TFPI: variants seen among roughly 807,000 people sequenced by gnomAD.
TFPI encodes anti-convertin.
Under a neutral mutation model 34.6 loss-of-function variants are expected in TFPI, and 15 were observed. The observed-to-expected ratio is 0.43, with a 90% CI of 0.29 to 0.67. TFPI has a LOEUF of 0.67. TFPI is among the 30% of genes least tolerant of loss of function. The pLI is 0.15. For missense variants in TFPI, 301 were observed against 364.0 expected, an observed-to-expected ratio of 0.83 and a Z score of 1.41; for synonymous variants, 105 against 120.1, an observed-to-expected ratio of 0.87 and a Z score of 0.82.
At chr2:187,495,392 G>T (rs1201220524) in intron 3 of TFPI, among the ~76,000 whole-genome samples, 1 of 152,140 alleles carries the variant, frequency 6.6e-6, no homozygotes, top group Non-Finnish European at 1.5e-5. Flanking sequence ...AATATGTATG[G>T]AAGAAAATGG....
chr2:187,510,544 AAAG>A (rs1477775522), intron 1 of TFPI, among the ~76,000 whole-genome samples: 5 of 152,234 alleles, frequency 3.3e-5, no homozygotes, highest in African/African-American at 1.2e-4. Context: ...GCCTCCAAAG[AAAG>A]AAGAAGTAAA....
chr2:187,548,291 C>G (rs1483114685), intron 1 of TFPI, among the ~76,000 whole-genome samples: 1 of 152,018 alleles, frequency 6.6e-6, no homozygotes, highest in African/African-American at 2.4e-5. Context: ...CAACTTCCTC[C>G]CCATGTGAAG....
intron 1 of TFPI, among the ~76,000 whole-genome samples, chr2:187,522,890 C>G (rs946647274): frequency 2.8e-4 from 24 of 86,014 alleles, no homozygotes; most frequent in Middle Eastern, 4.6e-3. Context: ...GACTGTGTCT[C>G]AAAATAAATA....
At chr2:187,478,898 G>A (rs775229373) in intron 6 of TFPI, 12 of 954,326 alleles carry the variant, frequency 1.3e-5, no homozygotes, top group Admixed American at 4.6e-5. Context: ...TCTATAAACT[G>A]TATAGTACAT....
At position 187,465,728 on chromosome 2, in the gene TFPI, TTCATGAAGCTAG is replaced by T. The variant is rs1381561745; in HGVS notation, c.*1196_*1207del. 15 of 142,012 alleles carry T rather than the reference TTCATGAAGCTAG, an allele frequency of 1.1e-4. No homozygotes were observed. Among genetic ancestry groups the T allele is most frequent in the Admixed American group, 5.5e-4 (8 of 14,456 alleles). 8.8% of individuals were successfully genotyped at this position (142,012 alleles called of 1,614,324 possible). ...AGTCATGAAGCTATTCATGAAGCTA[TTCATGAAGCTAG>T]TCATGAAGCTAGTCATACCAAATGA... On this transcript the variant is annotated 3_prime_UTR_variant, in exon 8 of 8. Transcript: ENST00000233156.
At chr2:187,552,600 A>T (rs1451413315) in intron 1 of TFPI, among the ~76,000 whole-genome samples, 9 of 152,020 alleles carry the variant, frequency 5.9e-5, no homozygotes, top group Non-Finnish European at 1.3e-4. Flanking sequence ...ACCATCAAAC[A>T]CCAGTTGATA....
chr2:187,512,246 C>G (rs1223352590), intron 1 of TFPI, among the ~76,000 whole-genome samples: 2 of 141,330 alleles, frequency 1.4e-5, no homozygotes, highest in African/African-American at 5.4e-5. Context: ...TCATTGTGAG[C>G]ACACCTTACC....
intron 1 of TFPI, among the ~76,000 whole-genome samples, chr2:187,505,027 T>A (rs1015082377): frequency 1.3e-5 from 2 of 152,044 alleles, no homozygotes; most frequent in African/African-American, 4.8e-5. Context: ...AATCATACCA[T>A]AAACCATTTG....
intron 1 of TFPI, among the ~76,000 whole-genome samples, chr2:187,536,801 G>T (rs182556133): frequency 2.0e-5 from 3 of 152,308 alleles, no homozygotes; most frequent in African/African-American, 7.2e-5. Context: ...AATTTTCTCT[G>T]TTTGCAGATG....
At chr2:187,496,542 C>G (rs968584537) in intron 3 of TFPI, among the ~76,000 whole-genome samples, 1 of 151,872 alleles carries the variant, frequency 6.6e-6, no homozygotes, top group Admixed American at 6.6e-5. Context: ...TAAATGGGGC[C>G]TCATATTTTA....
At chr2:187,485,668 T>C (rs911199402) in intron 4 of TFPI, among the ~76,000 whole-genome samples, 3 of 151,744 alleles carry the variant, frequency 2.0e-5, no homozygotes, top group African/African-American at 7.2e-5. Flanking sequence ...CTAATACTTC[T>C]TCTTTGATAG....
intron 3 of TFPI, among the ~76,000 whole-genome samples, chr2:187,491,010 C>T (rs1559113554): frequency 6.6e-6 from 1 of 151,712 alleles, no homozygotes; most frequent in Non-Finnish European, 1.5e-5. Context: ...ACAATAATCT[C>T]ATATTTTTCT....
rs764877384 is a variant in TFPI, at chr2:187,552,432, TAG to T, written c.-3+1766_-3+1767del. On this transcript the variant is annotated intron_variant, in intron 1 of 7. Transcript: ENST00000233156. ...AAGATAATTAAGCTGTTTTGAAAAT[TAG>T]AGTTTATTACAAAATATGTTATCAT... Among the ~76,000 whole-genome samples the T allele has an allele frequency of 3.3e-5, 5 of 152,232 alleles. No homozygotes were observed. The South Asian group carries it at 6.2e-4, about 19-fold the overall frequency.
At chr2:187,499,738 A>G (rs1330872553) in intron 2 of TFPI, 11 of 152,174 alleles carry the variant, frequency 7.2e-5, no homozygotes, top group Admixed American at 6.5e-4. Flanking sequence ...AGGAATAAAA[A>G]TATTCTGGCA....
At chr2:187,537,743 C>G (rs1246576087) in intron 1 of TFPI, among the ~76,000 whole-genome samples, 3 of 152,276 alleles carry the variant, frequency 2.0e-5, no homozygotes, top group Middle Eastern at 3.4e-3. Context: ...CAAATGGGAT[C>G]TAATTAAACT....
At chr2:187,475,906 C>G (rs1692340210) in intron 6 of TFPI, among the ~76,000 whole-genome samples, 1 of 152,130 alleles carries the variant, frequency 6.6e-6, no homozygotes, top group Non-Finnish European at 1.5e-5. Flanking sequence ...AGCTCAGGTT[C>G]AGAACATGCT....
intron 1 of TFPI, among the ~76,000 whole-genome samples, chr2:187,508,626 A>G (rs1159849130): frequency 6.6e-6 from 1 of 152,084 alleles, no homozygotes; most frequent in Non-Finnish European, 1.5e-5. Context: ...TTATTGGTGT[A>G]TAGGAATGCT....
At chr2:187,541,410 C>G (rs139386422) in intron 1 of TFPI, among the ~76,000 whole-genome samples, 34 of 152,264 alleles carry the variant, frequency 2.2e-4, no homozygotes, top group African/African-American at 8.2e-4. Context: ...TGGTTCCTGG[C>G]ACTGACTTGG....
chr2:187,523,545 G>C (rs1687521894), intron 1 of TFPI, among the ~76,000 whole-genome samples: 1 of 152,030 alleles, frequency 6.6e-6, no homozygotes, highest in African/African-American at 2.4e-5. Context: ...TCTTGTCACA[G>C]TCTGCATTCC....
Sources: allele counts gnomAD v4.1 joint callset (sites outside exome capture counted in the v4.1 genomes callset), GRCh38; gene constraint gnomAD v4.1.1; transcripts MANE v1.5; gene names NCBI Gene and HGNC (gene_info 2026-07-23, HGNC 2026-07-21).